CDC14A: variants seen among roughly 807,000 people sequenced by gnomAD.
CDC14A encodes the protein cell division cycle 14A, also known as dual specificity protein phosphatase CDC14A.
A neutral mutation model predicts 74.4 loss-of-function variants in CDC14A; 53 were observed. The ratio of observed to expected loss-of-function variants is 0.71; its 90% CI spans 0.57 to 0.89. The LOEUF (loss-of-function observed/expected upper bound fraction) is 0.89. Among genes scored for constraint, CDC14A ranks in the 40% least tolerant of loss-of-function variants. The pLI is 0.00. For missense variants in CDC14A, 646 were observed against 713.7 expected (o/e 0.91, Z 1.08); for synonymous variants, 247 against 258.4 (o/e 0.96, Z 0.43).
intron 15 of CDC14A, among the ~76,000 whole-genome samples, chr1:100,507,793 C>T (rs1159354075): frequency 6.6e-6 from 1 of 152,152 alleles, no homozygotes; most frequent in Non-Finnish European, 1.5e-5. Context: ...GAATCTCCTG[C>T]CTCAGCTTTC....
At chr1:100,478,072 T>A (rs1262658203) in intron 10 of CDC14A, among the ~76,000 whole-genome samples, 2 of 152,208 alleles carry the variant, frequency 1.3e-5, no homozygotes, top group African/African-American at 2.4e-5. Flanking sequence ...TTAAAGGATA[T>A]AAAGCTCTCT....
intron 2 of CDC14A, among the ~76,000 whole-genome samples, chr1:100,356,276 C>T (rs1428369552): frequency 6.6e-6 from 1 of 152,188 alleles, no homozygotes; most frequent in African/African-American, 2.4e-5. Context: ...CAATGGGAAA[C>T]ATTTATTGAG....
intron 2 of CDC14A, among the ~76,000 whole-genome samples, chr1:100,356,926 T>C (rs1313676615): frequency 1.4e-5 from 2 of 143,132 alleles, no homozygotes; most frequent in Non-Finnish European, 3.0e-5. Context: ...ATGGTGACAA[T>C]GGTGATGGAA....
At chr1:100,422,557 G>C (rs1361213352) in intron 4 of CDC14A, among the ~76,000 whole-genome samples, 1 of 152,226 alleles carries the variant, frequency 6.6e-6, no homozygotes, top group East Asian at 1.9e-4. Flanking sequence ...GGTCTTTAGA[G>C]CTAGTGTTGG....
At chr1:100,432,396 GTC>G (rs1274039874) in intron 5 of CDC14A, among the ~76,000 whole-genome samples, 4 of 152,312 alleles carry the variant, frequency 2.6e-5, no homozygotes, top group African/African-American at 9.6e-5. Context: ...CAGCTGAACT[GTC>G]CAGTATGTTA....
chr1:100,410,559 T>C (rs1185890618), intron 4 of CDC14A, among the ~76,000 whole-genome samples: 242 of 152,228 alleles, frequency 1.6e-3, no homozygotes, highest in African/African-American at 5.7e-3. Context: ...ACCTCGTGAT[T>C]GCCTGCCTCG....
Position 100,384,947 on chromosome 1 carries a change from T to A in CDC14A, c.217-5785T>A, listed in dbSNP as rs548302641. ...TGAGAACATCTGAATTTGGAACTTC[T>A]GGAATAATGACATTTAAGGCAGCTT... On this transcript the variant is annotated intron_variant, in intron 3 of 15. Coordinates refer to ENST00000336454, the MANE Select transcript of CDC14A (RefSeq NM_003672.4). 2.0e-5 allele frequency among the ~76,000 whole-genome samples: 3 copies of A among 152,176 alleles called. No homozygotes were observed. The East Asian group carries it at 5.8e-4, about 29-fold the overall frequency.
intron 3 of CDC14A, among the ~76,000 whole-genome samples, chr1:100,386,759 C>A (rs568603452): frequency 2.6e-5 from 4 of 152,148 alleles, no homozygotes; most frequent in Non-Finnish European, 4.4e-5. Flanking sequence ...GATATTAGGG[C>A]AGAATCTGAG....
intron 11 of CDC14A, among the ~76,000 whole-genome samples, chr1:100,492,492 G>A (rs1164905311): frequency 2.0e-5 from 3 of 152,126 alleles, no homozygotes; most frequent in Non-Finnish European, 1.5e-5. Flanking sequence ...GTTGTAGACA[G>A]GATGCAGCTC....
intron 5 of CDC14A, among the ~76,000 whole-genome samples, chr1:100,429,174 A>T (rs529577231): frequency 6.8e-6 from 1 of 146,564 alleles, no homozygotes; most frequent in Admixed American, 6.9e-5. Context: ...ACTGCACTCC[A>T]GCCTGGGCAA....
At chr1:100,348,417 C>T (rs1650626885), upstream of CDC14A, among the ~76,000 whole-genome samples, 1 of 151,976 alleles carries the variant, frequency 6.6e-6, no homozygotes, top group Admixed American at 6.6e-5. Context: ...CTGCTTACAC[C>T]AGTTTAAATG....
intron 4 of CDC14A, among the ~76,000 whole-genome samples, chr1:100,402,138 GAA>G (rs34408247): frequency 4.2e-5 from 6 of 141,800 alleles, no homozygotes; most frequent in Admixed American, 1.4e-4. Context: ...CATTCATTAT[GAA>G]AAAAAAAAAA....
intron 4 of CDC14A, among the ~76,000 whole-genome samples, chr1:100,392,187 G>C (rs1334716200): frequency 6.6e-6 from 1 of 152,204 alleles, no homozygotes; most frequent in African/African-American, 2.4e-5. Context: ...TACATGAAAA[G>C]CTGGCAGTTA....
At chr1:100,379,109 T>C (rs1655735506) in intron 3 of CDC14A, among the ~76,000 whole-genome samples, 1 of 152,194 alleles carries the variant, frequency 6.6e-6, no homozygotes, top group Non-Finnish European at 1.5e-5. Flanking sequence ...AACCGAGTAC[T>C]ATCTAGGGTA....
chr1:100,411,962 C>T (rs1660769188), intron 4 of CDC14A, among the ~76,000 whole-genome samples: 1 of 152,096 alleles, frequency 6.6e-6, no homozygotes, highest in African/African-American at 2.4e-5. Flanking sequence ...AGGCAGAGAA[C>T]AACACATACA....
chr1:100,471,422 CCATTTA>C (rs1479885621), intron 10 of CDC14A, among the ~76,000 whole-genome samples: 1 of 152,068 alleles, frequency 6.6e-6, no homozygotes, highest in Non-Finnish European at 1.5e-5. Flanking sequence ...AAAAATTATA[CCATTTA>C]CAATGTATCT....
chr1:100,440,825 G>A (rs188384707), intron 6 of CDC14A, among the ~76,000 whole-genome samples: 1 of 152,250 alleles, frequency 6.6e-6, no homozygotes, highest in East Asian at 1.9e-4. Context: ...TGTGCTACCT[G>A]TTTTATACAT....
chr1:100,351,688 A>G, upstream of CDC14A: 1 of 1,481,880 alleles, frequency 6.7e-7, no homozygotes, highest in South Asian at 1.2e-5. Context: ...GGAGCACTGT[A>G]AAGATTAGGC....
intron 5 of CDC14A, among the ~76,000 whole-genome samples, chr1:100,436,032 G>T (rs911989190): frequency 6.6e-6 from 1 of 152,104 alleles, no homozygotes; most frequent in Non-Finnish European, 1.5e-5. Flanking sequence ...GATGACCAAT[G>T]GTGTTGTATG....
Sources: allele counts gnomAD v4.1 joint callset (sites outside exome capture counted in the v4.1 genomes callset), GRCh38; gene constraint gnomAD v4.1.1; transcripts MANE v1.5; gene names NCBI Gene and HGNC (gene_info 2026-07-23, HGNC 2026-07-21).